ZBED4: variants seen among roughly 807,000 people sequenced by gnomAD.
ZBED4 encodes zinc finger BED-type containing 4, also known as zinc finger BED domain-containing protein 4.
In ZBED4, 4 loss-of-function variants were observed where a neutral mutation model predicts 15.5. The observed-to-expected ratio is 0.26, with a 90% CI of 0.13 to 0.59. The LOEUF (loss-of-function observed/expected upper bound fraction) is 0.59, where lower values mean the gene tolerates loss of function less well. Ranked by LOEUF, ZBED4 falls within the 20% of genes least tolerant of loss-of-function variation. ZBED4 has a pLI of 0.90. For missense variants in ZBED4, 1,323 were observed against 1,461.8 expected (o/e 0.91, Z 1.55); for synonymous variants, 692 against 608.5 (o/e 1.14, Z -2.02).
intron 1 of ZBED4, among the ~76,000 whole-genome samples, chr22:49,859,889 T>C (rs574866144): frequency 6.6e-6 from 1 of 151,396 alleles, no homozygotes; most frequent in African/African-American, 2.4e-5. Flanking sequence ...CAGCTGGGCA[T>C]GATGGTATGT....
chr22:49,869,333 G>C (rs527918152), intron 1 of ZBED4, among the ~76,000 whole-genome samples: 22 of 152,304 alleles, frequency 1.4e-4, no homozygotes, highest in Non-Finnish European at 2.9e-4. Flanking sequence ...GTGCACGGCT[G>C]CCTACCTCGT....
At chr22:49,879,202 G>A (rs1296962506) in intron 1 of ZBED4, among the ~76,000 whole-genome samples, 1 of 150,276 alleles carries the variant, frequency 6.7e-6, no homozygotes, top group African/African-American at 2.4e-5. Flanking sequence ...TCGGCTCACT[G>A]TAACTTGCGC....
intron 1 of ZBED4, among the ~76,000 whole-genome samples, chr22:49,882,802 C>T (rs974716631): frequency 6.6e-6 from 1 of 152,182 alleles, no homozygotes; most frequent in African/African-American, 2.4e-5. Flanking sequence ...GGGCTGGAAG[C>T]GGTTTTCACC....
At chr22:49,864,228 C>T (rs2060309980) in intron 1 of ZBED4, among the ~76,000 whole-genome samples, 1 of 152,242 alleles carries the variant, frequency 6.6e-6, no homozygotes, top group African/African-American at 2.4e-5. Flanking sequence ...TCTTTTTCCA[C>T]TGAGAGTGCT....
In ZBED4 at chr22:49,887,262, CG is replaced by C; in HGVS notation, c.*86del. The C allele has an allele frequency of 7.1e-7, 1 of 1,412,636 alleles. No homozygotes were observed. Among genetic ancestry groups the C allele is most frequent in the East Asian group, 2.3e-5 (1 of 43,060 alleles). The allele number at this position is 1,412,636 out of a possible 1,614,324, so 87.5% of individuals were successfully genotyped here. On this transcript the variant is annotated 3_prime_UTR_variant, in exon 2 of 2. Transcript: ENST00000216268. ...CCAGGTCTATGACCCGCTCTGCCCA[CG>C]GCTGTGTACGACATCAGACCAGGCA...
At chr22:49,861,257 T>C (rs2060296048) in intron 1 of ZBED4, among the ~76,000 whole-genome samples, 1 of 151,574 alleles carries the variant, frequency 6.6e-6, no homozygotes. Flanking sequence ...TTCTTGTGCC[T>C]CAGCCTCCTG....
At chr22:49,881,696 GT>G (rs764813679) in intron 1 of ZBED4, among the ~76,000 whole-genome samples, 2 of 152,038 alleles carry the variant, frequency 1.3e-5, no homozygotes, top group East Asian at 1.9e-4. Context: ...TTGTTTGTTT[GT>G]TTTGTTTTTT....
chr22:49,859,736 T>C (rs2060289022), intron 1 of ZBED4, among the ~76,000 whole-genome samples: 1 of 152,240 alleles, frequency 6.6e-6, no homozygotes, highest in African/African-American at 2.4e-5. Context: ...ATTAAAATTA[T>C]GTAGTTTTGC....
chr22:49,854,151 C>G (rs894038338), intron 1 of ZBED4, among the ~76,000 whole-genome samples, 162 bp downstream of exon 1: 1 of 145,672 alleles, frequency 6.9e-6, no homozygotes, highest in Non-Finnish European at 1.5e-5. Context: ...GGTCCCCGCC[C>G]GGCGCCGCCC....
chr22:49,855,073 G>C (rs1569155274), intron 1 of ZBED4, among the ~76,000 whole-genome samples: 1 of 152,166 alleles, frequency 6.6e-6, no homozygotes, highest in East Asian at 1.9e-4. Context: ...TACTTTGCAA[G>C]AGGAAAGTTT....
chr22:49,864,003 A>G (rs984401042), intron 1 of ZBED4, among the ~76,000 whole-genome samples: 1 of 152,130 alleles, frequency 6.6e-6, no homozygotes, highest in African/African-American at 2.4e-5. Flanking sequence ...TTCTGTGCTC[A>G]TCTTGTATTT....
At chr22:49,864,937 GCCCC>G (rs1159525378) in intron 1 of ZBED4, among the ~76,000 whole-genome samples, 4 of 11,330 alleles carry the variant, frequency 3.5e-4, no homozygotes, top group Non-Finnish European at 5.3e-4. Context: ...ATCCCAGCAA[GCCCC>G]CCCCCCCCCC....
At chr22:49,854,620 G>A (rs2060267020) in intron 1 of ZBED4, among the ~76,000 whole-genome samples, 1 of 152,206 alleles carries the variant, frequency 6.6e-6, no homozygotes, top group Admixed American at 6.5e-5. Context: ...AGTCAGTTTT[G>A]TTTCTTCTTT....
chr22:49,874,350 C>G (rs571004225), intron 1 of ZBED4, among the ~76,000 whole-genome samples: 12 of 151,992 alleles, frequency 7.9e-5, no homozygotes, highest in South Asian at 4.2e-4. Context: ...AATGACGTGC[C>G]CATATGGTTT....
In ZBED4 at chr22:49,883,934, G is replaced by A; in HGVS notation, c.272G>A (p.Ser91Asn). The change falls in exon 2 of 2, where the codon AGC becomes AAC. Residue 91 changes from serine to asparagine, a missense_variant. Coordinates refer to ENST00000216268, the MANE Select transcript of ZBED4 (RefSeq NM_014838.3). ...TATGGCGCGCTGTTCTCCCAGTACA[G>A]CAGCACCCTATACGACGTGGCCATG... ...DDYGALFSQY[S>N]STLYDVAMEA... is the part of the protein sequence containing the mutation. The A allele has an allele frequency of 6.2e-7, 1 of 1,613,336 alleles. No homozygotes were observed.
At chr22:49,862,933 C>G (rs1200649860) in intron 1 of ZBED4, among the ~76,000 whole-genome samples, 1 of 152,016 alleles carries the variant, frequency 6.6e-6, no homozygotes, top group Non-Finnish European at 1.5e-5. Context: ...AACTCCTGAC[C>G]TTAGGTGATC....
At chr22:49,861,001 T>TCTC (rs10626874) in intron 1 of ZBED4, among the ~76,000 whole-genome samples, 114,512 of 150,944 alleles carry the variant, frequency 0.76, 45,437 homozygotes, top group East Asian at 0.91. Context: ...CTGGTCTCGA[T>TCTC]CTGAGCTCAG....
chr22:49,884,261 G>C lies in ZBED4; in HGVS notation c.599G>C (p.Ser200Thr), dbSNP rs1232217685. The change falls in exon 2 of 2, where the codon AGC becomes ACC. Residue 200 changes from serine to threonine, a missense_variant. This residue lies in a region of ZBED4 where 380 missense variants were observed against 413.7 expected (regional missense o/e 0.92). Coordinates refer to ENST00000216268, the MANE Select transcript of ZBED4 (RefSeq NM_014838.3). Reference sequence around the variant, plus strand: ...CAGCCTGCGGACGCGGGTGACCTCAGCACCATCCTCTCACCCATCAAACTT... The same window carrying C: ...CAGCCTGCGGACGCGGGTGACCTCACCACCATCCTCTCACCCATCAAACTT... ...PPQPADAGDL[S>T]TILSPIKLVQ... The C allele has an allele frequency of 1.3e-5, 21 of 1,609,850 alleles. No homozygotes were observed. The highest frequency in any genetic ancestry group is 1.8e-5 in the Non-Finnish European group (21 of 1,177,762).
intron 1 of ZBED4, among the ~76,000 whole-genome samples, chr22:49,881,017 C>G (rs1393093269): frequency 6.6e-6 from 1 of 152,214 alleles, no homozygotes; most frequent in African/African-American, 2.4e-5. Context: ...TGCTTTCATG[C>G]ATGCTTTTGG....
Sources: gnomAD v4.1 joint callset for allele counts (sites outside exome capture counted in the v4.1 genomes callset) on GRCh38, gnomAD v4.1.1 for gene constraint, gnomAD v4.1.1 regional missense constraint, MANE v1.5 for transcripts, NCBI Gene and HGNC (gene_info 2026-07-23, HGNC 2026-07-21) for gene names.